Variants in EFHC1 observed in about 807,000 individuals in gnomAD.
EFHC1 encodes the protein EF-hand domain-containing protein 1.
In EFHC1, 53 loss-of-function variants were observed where a neutral mutation model predicts 69.9. That is an observed-to-expected ratio of 0.76 (90% CI 0.61 to 0.95). The LOEUF (loss-of-function observed/expected upper bound fraction) is 0.95, where lower values mean the gene tolerates loss of function less well. EFHC1 is among the 40% of genes least tolerant of loss of function. EFHC1 has a pLI of 0.00. For synonymous variants in EFHC1, 256 were observed against 278.4 expected (o/e 0.92, Z 0.80); for missense variants, 739 against 798.7 (o/e 0.93, Z 0.90).
chr6:52,437,846 T>G (rs1764566725), intron 2 of EFHC1, among the ~76,000 whole-genome samples: 1 of 152,190 alleles, frequency 6.6e-6, no homozygotes, highest in Non-Finnish European at 1.5e-5. Flanking sequence ...ATAGTCACAT[T>G]GAGGGTTAGG....
At chr6:52,441,972 GTTGT>G (rs1439438792) in intron 3 of EFHC1, among the ~76,000 whole-genome samples, 1 of 152,228 alleles carries the variant, frequency 6.6e-6, no homozygotes, top group Non-Finnish European at 1.5e-5. Flanking sequence ...TTTTGCCGAA[GTTGT>G]TTATTAACTT....
chr6:52,464,468 A>G (rs1765249799), intron 5 of EFHC1, among the ~76,000 whole-genome samples: 1 of 152,198 alleles, frequency 6.6e-6, no homozygotes, highest in African/African-American at 2.4e-5. Flanking sequence ...TTAGCAGTGT[A>G]CCTAGTACAT....
intron 7 of EFHC1, among the ~76,000 whole-genome samples, chr6:52,478,613 C>G (rs1006900318): frequency 6.6e-6 from 1 of 152,114 alleles, no homozygotes; most frequent in Admixed American, 6.5e-5. Context: ...ATAATGTCAG[C>G]CAACAGGTCT....
At chr6:52,458,546 A>T (rs1445355256) in intron 5 of EFHC1, among the ~76,000 whole-genome samples, 2 of 152,234 alleles carry the variant, frequency 1.3e-5, no homozygotes, top group African/African-American at 2.4e-5. Context: ...CAAACATTTT[A>T]AAAATGCCCA....
intron 7 of EFHC1, among the ~76,000 whole-genome samples, chr6:52,471,917 A>T (rs115951641): frequency 0.1 from 15,326 of 151,214 alleles, 1,063 homozygotes; most frequent in Non-Finnish European, 0.15. Flanking sequence ...TAAAAAAAAA[A>T]TTTTTAAAAA....
rs1160357654 is a variant in EFHC1, at chr6:52,494,276, AC to A, written c.*1937del. 2.2e-6 allele frequency: 1 copy of A among 454,142 alleles called. No individual in the cohort carries two copies. The highest frequency in any genetic ancestry group is 4.4e-6 in the Non-Finnish European group (1 of 226,800). 28.1% of individuals were successfully genotyped at this position (454,142 alleles called of 1,614,324 possible). On this transcript the variant is annotated 3_prime_UTR_variant, in exon 11 of 11. Coordinates refer to ENST00000371068, the MANE Select transcript of EFHC1 (RefSeq NM_018100.4). ...TAGAAGTTTTTTCAGCTTAAAAATT[AC>A]CAAGCTCTATCCTACTTGGCCCAGC... is the stretch of plus-strand genomic sequence containing the variant.
intron 3 of EFHC1, among the ~76,000 whole-genome samples, chr6:52,442,344 C>T (rs936890305): frequency 6.6e-5 from 10 of 151,944 alleles, no homozygotes; most frequent in Non-Finnish European, 8.8e-5. Flanking sequence ...ATGCGCACAA[C>T]GTGCAGGTTT....
At chr6:52,448,487 A>G (rs2113989390) in intron 3 of EFHC1, among the ~76,000 whole-genome samples, 1 of 152,290 alleles carries the variant, frequency 6.6e-6, no homozygotes, top group East Asian at 1.9e-4. Context: ...TCCCTTTGCT[A>G]GGAAAGGGAA....
Position 52,493,456 on chromosome 6 carries a change from T to C in EFHC1, c.*1115T>C. On this transcript the variant is annotated 3_prime_UTR_variant, in exon 11 of 11. Coordinates refer to ENST00000371068, the MANE Select transcript of EFHC1 (RefSeq NM_018100.4). ...ATAGTATGTATATGTGTATATATAT[T>C]ATGTATATACATATATGTGCACACA... The C allele has an allele frequency of 2.5e-6, 1 of 396,168 alleles. No homozygotes were observed. Among genetic ancestry groups the C allele is most frequent in the South Asian group, 1.8e-5 (1 of 54,132 alleles). The allele number at this position is 396,168 out of a possible 1,614,324, so 24.5% of individuals were successfully genotyped here.
intron 3 of EFHC1, among the ~76,000 whole-genome samples, chr6:52,448,941 A>G (rs1440870985): frequency 6.6e-6 from 1 of 152,200 alleles, no homozygotes; most frequent in Non-Finnish European, 1.5e-5. Flanking sequence ...GGATATTTGC[A>G]TTGATGTTCA....
At chr6:52,439,990 A>G (rs1458295402) in intron 3 of EFHC1, among the ~76,000 whole-genome samples, 1 of 152,168 alleles carries the variant, frequency 6.6e-6, no homozygotes, top group Non-Finnish European at 1.5e-5. Flanking sequence ...TTTCATAACA[A>G]TTATTTTTAC....
chr6:52,438,272 T>C (rs570534041), intron 2 of EFHC1, 32 bp from the exon 3 acceptor site: 1 of 1,600,238 alleles, frequency 6.2e-7, no homozygotes, highest in Admixed American at 1.7e-5. Flanking sequence ...AAGCTAATAG[T>C]ACACCATTTC....
intron 3 of EFHC1, among the ~76,000 whole-genome samples, chr6:52,447,943 A>T (rs898224820): frequency 2.0e-5 from 3 of 152,228 alleles, no homozygotes; most frequent in African/African-American, 7.2e-5. Flanking sequence ...GCTTCGTCTC[A>T]GAGGGGCACC....
At chr6:52,483,572 G>A (rs953895853) in intron 9 of EFHC1, 1 of 152,202 alleles carries the variant, frequency 6.6e-6, no homozygotes, top group African/African-American at 2.4e-5. Context: ...GGAAAAGGGT[G>A]GTAACTTCCA....
In EFHC1 at chr6:52,423,259, T is replaced by G. The variant is rs114537726; in HGVS notation, c.64-687T>G. The stretch of plus-strand genomic sequence containing the variant: ...AAATAAAATTCACAGAACCGTATCT[T>G]CTAGGTTCTACAGTTTTTACGGCCC... On this transcript the variant is annotated intron_variant, in intron 1 of 10. Transcript: ENST00000371068. 1.9e-3 allele frequency among the ~76,000 whole-genome samples: 284 copies of G among 152,298 alleles called. 1 individual carries two copies. Among genetic ancestry groups the G allele is most frequent in the African/African-American group, 6.5e-3 (269 of 41,548 alleles).
intron 5 of EFHC1, among the ~76,000 whole-genome samples, chr6:52,458,983 A>T (rs1765103150): frequency 6.6e-6 from 1 of 152,238 alleles, no homozygotes; most frequent in Admixed American, 6.5e-5. Context: ...AGAGGCCATT[A>T]TACTAAGTGA....
chr6:52,424,847 C>T (rs886729178), intron 2 of EFHC1, among the ~76,000 whole-genome samples: 6 of 152,182 alleles, frequency 3.9e-5, no homozygotes, highest in Admixed American at 6.5e-5. Flanking sequence ...AAGAAAGTTA[C>T]GTTATTCCAA....
chr6:52,444,267 G>C (rs1188703276), intron 3 of EFHC1, among the ~76,000 whole-genome samples: 7 of 152,106 alleles, frequency 4.6e-5, no homozygotes, highest in Non-Finnish European at 1.0e-4. Context: ...TTTCCTAATT[G>C]AATACCCTTT....
chr6:52,469,893 T>C (rs544200198), intron 7 of EFHC1, among the ~76,000 whole-genome samples: 2 of 152,304 alleles, frequency 1.3e-5, no homozygotes, highest in African/African-American at 4.8e-5. Context: ...GCCTGATATC[T>C]TGAGAGGTTA....
Sources: gnomAD v4.1 joint callset for allele counts (sites outside exome capture counted in the v4.1 genomes callset) on GRCh38, gnomAD v4.1.1 for gene constraint, MANE v1.5 for transcripts, NCBI Gene and HGNC (gene_info 2026-07-23, HGNC 2026-07-21) for gene names.